TENM3: variants seen among roughly 807,000 people sequenced by gnomAD.
TENM3 encodes teneurin transmembrane protein 3, also known as teneurin-3.
In TENM3, 63 loss-of-function variants were observed where a neutral mutation model predicts 255.1. The ratio of observed to expected loss-of-function variants is 0.25; its 90% CI spans 0.20 to 0.30. TENM3 has a LOEUF of 0.30. Among genes scored for constraint, TENM3 ranks in the 10% least tolerant of loss-of-function variants. TENM3 has a pLI of 1.00. For missense variants in TENM3, 2,929 were observed against 3,461.1 expected (o/e 0.85, Z 3.86); for synonymous variants, 1,306 against 1,322.3 (o/e 0.99, Z 0.27).
the TENM3 span, among the ~76,000 whole-genome samples, chr4:182,051,063 T>C: frequency 4.0e-5 from 6 of 151,576 alleles, no homozygotes. Context: ...GCAAATGAAG[T>C]CTGGGCATGG....
At chr4:182,628,555 G>A (rs1751049324) in intron 4 of TENM3, 96 bp from the exon 5 acceptor site, 2 of 745,636 alleles carry the variant, frequency 2.7e-6, no homozygotes, top group South Asian at 3.6e-5. Flanking sequence ...AAGAGAGAGA[G>A]AGCAAAAGAG....
chr4:181,631,611 G>T, the TENM3 span, among the ~76,000 whole-genome samples: 2 of 152,176 alleles, frequency 1.3e-5, no homozygotes, highest in African/African-American at 2.4e-5. Flanking sequence ...CTTTTTAAAG[G>T]CTCATCTGAT....
chr4:182,521,619 G>T (rs768156204), intron 3 of TENM3, among the ~76,000 whole-genome samples: 3 of 152,126 alleles, frequency 2.0e-5, no homozygotes, highest in African/African-American at 4.8e-5. Flanking sequence ...TTAAAAGCAT[G>T]AGAGTCACTT....
At chr4:181,467,929 T>G in the TENM3 span, among the ~76,000 whole-genome samples, 1 of 152,198 alleles carries the variant, frequency 6.6e-6, no homozygotes, top group Non-Finnish European at 1.5e-5. Flanking sequence ...ATAAAAAATT[T>G]TAGACCTTAC....
the TENM3 span, among the ~76,000 whole-genome samples, chr4:181,697,999 G>A: frequency 6.6e-6 from 1 of 151,928 alleles, no homozygotes; most frequent in African/African-American, 2.4e-5. Context: ...CGGATCATGA[G>A]GTCAGGAGTT....
At chr4:182,223,783 C>CAAAAAA (rs61535632) in intron 1 of TENM3, among the ~76,000 whole-genome samples, 5 of 112,976 alleles carry the variant, frequency 4.4e-5, no homozygotes, top group African/African-American at 1.7e-4. Context: ...GATAGATTGG[C>CAAAAAA]AAAAAAAAAA....
the TENM3 span, chr4:182,081,744 C>T: frequency 6.6e-6 from 1 of 152,122 alleles, no homozygotes; most frequent in South Asian, 2.1e-4. Context: ...AAGCAGTTAT[C>T]CTACAGCATA....
the TENM3 span, among the ~76,000 whole-genome samples, chr4:181,601,329 A>G: frequency 1.3e-5 from 2 of 152,304 alleles, no homozygotes; most frequent in South Asian, 2.1e-4. Flanking sequence ...GCCATAACAA[A>G]ATACCACTGT....
chr4:182,017,901 A>G, the TENM3 span, among the ~76,000 whole-genome samples: 9 of 152,240 alleles, frequency 5.9e-5, no homozygotes, highest in African/African-American at 2.2e-4. Flanking sequence ...CAATGTCTTT[A>G]GAGGGACAGA....
chr4:181,854,295 C>T, the TENM3 span, among the ~76,000 whole-genome samples: 6 of 152,182 alleles, frequency 3.9e-5, no homozygotes, highest in Non-Finnish European at 7.3e-5. Flanking sequence ...GCATTACAGC[C>T]TTGTCATACT....
At chr4:181,637,225 CA>C in the TENM3 span, among the ~76,000 whole-genome samples, 99,192 of 151,954 alleles carry the variant, frequency 0.65, 32,848 homozygotes, top group East Asian at 0.73. Flanking sequence ...ATAACAACAA[CA>C]AAAAAAACTT....
chr4:181,507,410 C>G, the TENM3 span, among the ~76,000 whole-genome samples: 1 of 152,174 alleles, frequency 6.6e-6, no homozygotes, highest in East Asian at 1.9e-4. Context: ...ATGTAAATTC[C>G]CTGCCTTCCT....
At chr4:182,577,624 G>A (rs996661587) in intron 3 of TENM3, among the ~76,000 whole-genome samples, 1 of 152,208 alleles carries the variant, frequency 6.6e-6, no homozygotes, top group African/African-American at 2.4e-5. Flanking sequence ...AGAAATAGCA[G>A]TGGAGTCATT....
chr4:182,229,673 T>A (rs74484900), intron 1 of TENM3, among the ~76,000 whole-genome samples: 9,561 of 152,164 alleles, frequency 0.063, 403 homozygotes, highest in Non-Finnish European at 0.091. Flanking sequence ...TAATTAAGCC[T>A]GTCTTAAAAG....
the TENM3 span, among the ~76,000 whole-genome samples, chr4:181,986,377 C>T: frequency 1.3e-5 from 2 of 152,014 alleles, no homozygotes; most frequent in African/African-American, 4.8e-5. Context: ...TCTTCTAGAT[C>T]CCATTTCTCC....
the TENM3 span, among the ~76,000 whole-genome samples, chr4:181,971,512 T>C: frequency 1.3e-5 from 2 of 152,284 alleles, no homozygotes; most frequent in South Asian, 4.1e-4. Context: ...TACCCTCTTA[T>C]TCGTCATAAA....
chr4:181,588,479 C>T, the TENM3 span, among the ~76,000 whole-genome samples: 1 of 152,070 alleles, frequency 6.6e-6, no homozygotes, highest in Non-Finnish European at 1.5e-5. Flanking sequence ...ATTATCACCC[C>T]GAATCTAATG....
chr4:182,107,159 C>T, the TENM3 span, among the ~76,000 whole-genome samples: 1 of 130,462 alleles, frequency 7.7e-6, no homozygotes, highest in African/African-American at 2.8e-5. Context: ...CATACACACA[C>T]ACACACACAC....
chr4:181,546,282 A>T, the TENM3 span, among the ~76,000 whole-genome samples: 1 of 152,126 alleles, frequency 6.6e-6, no homozygotes, highest in African/African-American at 2.4e-5. Flanking sequence ...ATTAGTCCAA[A>T]ATCTATTATA....
Sources: allele counts gnomAD v4.1 joint callset (sites outside exome capture counted in the v4.1 genomes callset), GRCh38; gene constraint gnomAD v4.1.1; transcripts MANE v1.5; gene names NCBI Gene and HGNC (gene_info 2026-07-23, HGNC 2026-07-21).